The following NRXN3 variants were observed in gnomAD, a reference collection of about 807,000 sequenced individuals.
NRXN3 encodes the protein neurexin III.
Under a neutral mutation model 137.6 loss-of-function variants are expected in NRXN3, and 32 were observed. The observed-to-expected ratio is 0.23, with a 90% CI of 0.18 to 0.31. The LOEUF (loss-of-function observed/expected upper bound fraction) is 0.31, where lower values mean the gene tolerates loss of function less well. Ranked by LOEUF, NRXN3 falls within the 10% of genes least tolerant of loss-of-function variation. The pLI, the probability that NRXN3 is intolerant of heterozygous loss-of-function variation, is 1.00. For synonymous variants in NRXN3, 798 were observed against 784.5 expected (o/e 1.02, Z -0.29); for missense variants, 1,574 against 2,062.5 (o/e 0.76, Z 4.59).
intron 15 of NRXN3, among the ~76,000 whole-genome samples, chr14:79,322,606 C>T (rs1418675607): frequency 6.6e-6 from 1 of 152,018 alleles, no homozygotes; most frequent in African/African-American, 2.4e-5. Context: ...AATACTGTGA[C>T]TGAAAAAAAT....
chr14:78,237,292 C>A (rs1234707462), intron 1 of NRXN3, among the ~76,000 whole-genome samples: 1 of 152,130 alleles, frequency 6.6e-6, no homozygotes, highest in Non-Finnish European at 1.5e-5. Context: ...TGGTCACAAC[C>A]CAACTCAAAC....
chr14:79,030,635 C>CTTTTTTTTTTTTTTTTTTTT, intron 15 of NRXN3, among the ~76,000 whole-genome samples: 6 of 54,236 alleles, frequency 1.1e-4, no homozygotes, highest in African/African-American at 3.6e-4. Flanking sequence ...TTCTCTGTGT[C>CTTTTTTTTTTTTTTTTTTTT]TTTTTTTTTT....
intron 10 of NRXN3, among the ~76,000 whole-genome samples, chr14:78,914,582 GCAAA>G (rs374565832): frequency 6.6e-6 from 1 of 151,700 alleles, no homozygotes; most frequent in African/African-American, 2.4e-5. Flanking sequence ...GAAAAGCATT[GCAAA>G]CAGAGGAAGC....
chr14:79,218,932 A>AG lies in NRXN3; in HGVS notation c.3262+230796dup, dbSNP rs145823100. ...TTTATATATAAAGGGGTAAGAGTGA[A>AG]GGGGGAAACCTGGTTAGCAAGGTCT... On this transcript the variant is annotated intron_variant, in intron 15 of 20. Coordinates refer to ENST00000335750, the MANE Select transcript of NRXN3 (RefSeq NM_001330195.2). Among the ~76,000 whole-genome samples, 1,273 of 152,204 alleles carry AG rather than the reference A, an allele frequency of 8.4e-3. 37 individuals carry two copies. The East Asian group carries it at 0.1, about 12-fold the overall frequency.
chr14:78,718,825 T>C (rs2098446384), intron 8 of NRXN3, among the ~76,000 whole-genome samples: 1 of 152,264 alleles, frequency 6.6e-6, no homozygotes, highest in South Asian at 2.1e-4. Context: ...GACGTCTCCA[T>C]GACCTAAACA....
chr14:78,198,800 A>G (rs1290392455), intron 1 of NRXN3, among the ~76,000 whole-genome samples: 1 of 152,226 alleles, frequency 6.6e-6, no homozygotes, highest in African/African-American at 2.4e-5. Context: ...GCTGAGAGTA[A>G]GATTTTGAGT....
intron 8 of NRXN3, among the ~76,000 whole-genome samples, chr14:78,738,004 A>T (rs968468144): frequency 6.6e-6 from 1 of 152,176 alleles, no homozygotes; most frequent in African/African-American, 2.4e-5. Context: ...ATGCCTCAGC[A>T]TCGGGCTAAA....
At chr14:79,638,433 G>A (rs772379853) in intron 16 of NRXN3, among the ~76,000 whole-genome samples, 3 of 152,106 alleles carry the variant, frequency 2.0e-5, no homozygotes, top group Non-Finnish European at 2.9e-5. Context: ...ACAGAGTGAC[G>A]TATGAGTAGA....
chr14:78,669,047 A>G (rs2097912262), intron 6 of NRXN3, among the ~76,000 whole-genome samples: 1 of 152,170 alleles, frequency 6.6e-6, no homozygotes, highest in Non-Finnish European at 1.5e-5. Context: ...ATGAAGCCCC[A>G]GATAAGAGCA....
At chr14:78,350,995 A>G (rs2083407170) in intron 4 of NRXN3, among the ~76,000 whole-genome samples, 1 of 152,130 alleles carries the variant, frequency 6.6e-6, no homozygotes, top group Non-Finnish European at 1.5e-5. Flanking sequence ...TTACAGGTAA[A>G]GTTTCTCCAC....
At chr14:79,726,262 C>A (rs972768089) in intron 19 of NRXN3, among the ~76,000 whole-genome samples, 1 of 152,126 alleles carries the variant, frequency 6.6e-6, no homozygotes, top group African/African-American at 2.4e-5. Context: ...AAATGTTTCT[C>A]TCCGATTTAG....
intron 10 of NRXN3, among the ~76,000 whole-genome samples, chr14:78,879,246 G>T (rs545980126): frequency 6.6e-6 from 1 of 152,132 alleles, no homozygotes; most frequent in Non-Finnish European, 1.5e-5. Context: ...TCACTGGATC[G>T]TATGGTAATT....
rs2097839629 is a variant in NRXN3, at chr14:78,661,281, T to C, written c.1221+9955T>C. ...CATATCAACCAAATTCACATACTCA[T>C]TCAGTAGTATTACCGATGATTCAGA... is the stretch of plus-strand genomic sequence containing the variant. On this transcript the variant is annotated intron_variant, in intron 6 of 20. Transcript: ENST00000335750. 2.0e-5 allele frequency among the ~76,000 whole-genome samples: 3 copies of C among 152,202 alleles called. No individual in the cohort carries two copies. The South Asian group carries it at 6.2e-4, about 32-fold the overall frequency.
At chr14:79,214,166 T>C (rs926161195) in intron 15 of NRXN3, among the ~76,000 whole-genome samples, 1 of 152,232 alleles carries the variant, frequency 6.6e-6, no homozygotes, top group Admixed American at 6.5e-5. Flanking sequence ...TGCATTGCCC[T>C]GTGGCATATT....
chr14:78,831,319 C>T (rs1201913708), intron 10 of NRXN3, among the ~76,000 whole-genome samples: 1 of 151,846 alleles, frequency 6.6e-6, no homozygotes, highest in African/African-American at 2.4e-5. Context: ...AGGTGGATCA[C>T]GAGGTCAGGA....
At chr14:78,470,524 C>A (rs1345539529) in intron 4 of NRXN3, among the ~76,000 whole-genome samples, 1 of 151,864 alleles carries the variant, frequency 6.6e-6, no homozygotes, top group Non-Finnish European at 1.5e-5. Context: ...AAATGTTCTG[C>A]ATGAGGAATC....
chr14:79,569,872 G>A (rs1386203392), intron 16 of NRXN3, among the ~76,000 whole-genome samples: 2 of 152,250 alleles, frequency 1.3e-5, no homozygotes, highest in African/African-American at 4.8e-5. Context: ...GCATCCCAAA[G>A]TGTTGGGCTT....
chr14:78,726,756 C>G, intron 8 of NRXN3, among the ~76,000 whole-genome samples: 1 of 151,782 alleles, frequency 6.6e-6, no homozygotes, highest in Non-Finnish European at 1.5e-5. Context: ...TGAGCTCAAA[C>G]AGTCTGCCCA....
Position 79,388,627 on chromosome 14 carries a change from G to A in NRXN3, c.3263-78594G>A, listed in dbSNP as rs375675224. 2.4e-4 allele frequency among the ~76,000 whole-genome samples: 37 copies of A among 152,074 alleles called. No individual in the cohort carries two copies. In the East Asian group the frequency reaches 6.6e-3, roughly 27 times the overall value. On this transcript the variant is annotated intron_variant, in intron 15 of 20. Transcript: ENST00000335750. The stretch of plus-strand genomic sequence containing the variant: ...CAGCCCTCGACTCATGCTAGATCTC[G>A]GTTCATTCTGTATCCAGGGACTCCA...
Sources: gnomAD v4.1 joint callset for allele counts (sites outside exome capture counted in the v4.1 genomes callset) on GRCh38, gnomAD v4.1.1 for gene constraint, MANE v1.5 for transcripts, NCBI Gene and HGNC (gene_info 2026-07-23, HGNC 2026-07-21) for gene names.